The following EBF2 variants were observed in gnomAD, a reference collection of about 807,000 sequenced individuals.
EBF2 encodes EBF transcription factor 2.
A neutral mutation model predicts 72.8 loss-of-function variants in EBF2; 21 were observed. That is an observed-to-expected ratio of 0.29 (90% CI 0.20 to 0.42). The LOEUF is 0.42. Ranked by LOEUF, EBF2 falls within the 10% of genes least tolerant of loss-of-function variation. The pLI, the probability that EBF2 is intolerant of heterozygous loss-of-function variation, is 1.00. For synonymous variants in EBF2, 299 were observed against 274.2 expected (o/e 1.09, Z -0.89); for missense variants, 637 against 731.2 (o/e 0.87, Z 1.49).
At chr8:25,942,642 T>A (rs962335253) in intron 6 of EBF2, among the ~76,000 whole-genome samples, 1 of 152,180 alleles carries the variant, frequency 6.6e-6, no homozygotes, top group South Asian at 2.1e-4. Context: ...CAACAAAAAC[T>A]GAAAGGCTTG....
chr8:26,020,118 T>A (rs1185564591), intron 6 of EBF2, among the ~76,000 whole-genome samples: 1 of 152,230 alleles, frequency 6.6e-6, no homozygotes, highest in Non-Finnish European at 1.5e-5. Flanking sequence ...CACTGTCTAG[T>A]TAATTTGCTT....
chr8:25,936,980 T>C (rs112584796), intron 6 of EBF2, among the ~76,000 whole-genome samples: 2 of 152,192 alleles, frequency 1.3e-5, no homozygotes, highest in Non-Finnish European at 2.9e-5. Context: ...AAAGCTTTTA[T>C]TGAAATGCTT....
At chr8:25,964,809 T>C (rs917062682) in intron 6 of EBF2, among the ~76,000 whole-genome samples, 1 of 152,188 alleles carries the variant, frequency 6.6e-6, no homozygotes. Context: ...CAGTAGATAA[T>C]TGTTGTAAAG....
chr8:25,990,998 T>G (rs1320022638), intron 6 of EBF2, among the ~76,000 whole-genome samples: 1 of 152,204 alleles, frequency 6.6e-6, no homozygotes, highest in African/African-American at 2.4e-5. Flanking sequence ...GAATGGCAGC[T>G]AATGGGTCTG....
chr8:25,991,430 T>C (rs570100057), intron 6 of EBF2, among the ~76,000 whole-genome samples: 12 of 152,218 alleles, frequency 7.9e-5, no homozygotes, highest in Admixed American at 2.0e-4. Flanking sequence ...AAGACTTTTA[T>C]AGATGGTCTC....
intron 14 of EBF2, among the ~76,000 whole-genome samples, chr8:25,851,592 TAAACTAGAGTACACAAGGGCA>T (rs1801976604): frequency 6.6e-6 from 1 of 151,952 alleles, no homozygotes; most frequent in Non-Finnish European, 1.5e-5. Context: ...AAGAAAGGAG[TAAACTAGAGTACACAAGGGCA>T]AAACTCTTAA....
intron 6 of EBF2, among the ~76,000 whole-genome samples, chr8:25,986,189 G>A (rs1407918514): frequency 1.3e-5 from 2 of 151,870 alleles, no homozygotes; most frequent in Non-Finnish European, 2.9e-5. Flanking sequence ...GATAACAGTT[G>A]TCTCTGACTG....
intron 6 of EBF2, among the ~76,000 whole-genome samples, chr8:25,934,894 G>T (rs1304636594): frequency 1.4e-5 from 2 of 141,120 alleles, no homozygotes; most frequent in Non-Finnish European, 3.1e-5. Context: ...TTCTAGCACT[G>T]CCAGAACTAG....
intron 7 of EBF2, among the ~76,000 whole-genome samples, chr8:25,897,022 C>A (rs1265228509): frequency 6.6e-6 from 1 of 152,124 alleles, no homozygotes; most frequent in Non-Finnish European, 1.5e-5. Context: ...AAAAGGAATT[C>A]CCAGAATTCT....
At chr8:26,028,067 A>T (rs1268411753) in intron 6 of EBF2, among the ~76,000 whole-genome samples, 2 of 152,180 alleles carry the variant, frequency 1.3e-5, no homozygotes, top group Admixed American at 6.5e-5. Flanking sequence ...AACAATGTGG[A>T]TGTATTTCAT....
At chr8:25,879,622 C>T (rs1802575408) in intron 10 of EBF2, among the ~76,000 whole-genome samples, 2 of 152,294 alleles carry the variant, frequency 1.3e-5, no homozygotes, top group African/African-American at 4.8e-5. Context: ...CTCCAACTGA[C>T]TTCAGGGACA....
At chr8:25,952,948 T>C (rs534401609) in intron 6 of EBF2, among the ~76,000 whole-genome samples, 12 of 152,306 alleles carry the variant, frequency 7.9e-5, no homozygotes, top group Admixed American at 3.9e-4. Flanking sequence ...TGTACTTCTT[T>C]CCCATCCTCT....
chr8:26,034,048 T>A (rs1453473106), intron 5 of EBF2, among the ~76,000 whole-genome samples: 1 of 152,150 alleles, frequency 6.6e-6, no homozygotes, highest in Non-Finnish European at 1.5e-5. Flanking sequence ...TATTTGTGGC[T>A]CAGTAAATAA....
rs112926195 is a variant in EBF2, at chr8:25,961,575, C to A, written c.552-53020G>T. Among the ~76,000 whole-genome samples the A allele has an allele frequency of 6.8e-4, 103 of 152,290 alleles. 1 individual carries two copies. The highest frequency in any genetic ancestry group is 2.4e-3 in the African/African-American group (99 of 41,562). On this transcript the variant is annotated intron_variant, in intron 6 of 15. Transcript: ENST00000520164. The stretch of plus-strand genomic sequence containing the variant: ...ATAGCGTTTCACCATCTTGGCCAGG[C>A]TGGTCTTGAACTCTTGACCTTATGA...
intron 6 of EBF2, among the ~76,000 whole-genome samples, chr8:26,018,759 T>G (rs1805155783): frequency 6.6e-6 from 1 of 151,902 alleles, no homozygotes; most frequent in Non-Finnish European, 1.5e-5. Flanking sequence ...TTGGTAGCAC[T>G]TCTCATGCAT....
intron 6 of EBF2, 63 bp from the exon 7 acceptor site, chr8:25,908,618 G>A: frequency 1.9e-6 from 2 of 1,080,100 alleles, no homozygotes; most frequent in South Asian, 2.7e-5. Flanking sequence ...GAATATAGCT[G>A]CATTCCATTA....
intron 14 of EBF2, among the ~76,000 whole-genome samples, chr8:25,852,413 T>A (rs1422300063): frequency 1.3e-5 from 2 of 152,100 alleles, no homozygotes; most frequent in Non-Finnish European, 2.9e-5. Flanking sequence ...TCTACCATGG[T>A]CCCCCAAATG....
intron 6 of EBF2, among the ~76,000 whole-genome samples, chr8:26,024,329 T>C (rs1036614799): frequency 1.3e-5 from 2 of 150,324 alleles, no homozygotes; most frequent in Admixed American, 1.3e-4. Context: ...TTGCATAGCA[T>C]CCTAGTCTAT....
intron 6 of EBF2, among the ~76,000 whole-genome samples, chr8:26,016,002 C>A (rs1805105706): frequency 6.6e-6 from 1 of 152,200 alleles, no homozygotes; most frequent in Non-Finnish European, 1.5e-5. Flanking sequence ...CAACACATCA[C>A]CTCAAATAAC....
Sources: gnomAD v4.1 joint callset for allele counts (sites outside exome capture counted in the v4.1 genomes callset) on GRCh38, gnomAD v4.1.1 for gene constraint, MANE v1.5 for transcripts, NCBI Gene and HGNC (gene_info 2026-07-23, HGNC 2026-07-21) for gene names.